The following ANKS1B variants were observed in gnomAD, a reference collection of about 807,000 sequenced individuals.
The protein encoded by ANKS1B is ankyrin repeat and sterile alpha motif domain containing 1B, also known as ankyrin repeat and sterile alpha motif domain-containing protein 1B.
ANKS1B carries 36 observed loss-of-function variants against 148.3 expected under a neutral mutation model. That is an observed-to-expected ratio of 0.24 (90% CI 0.19 to 0.32). The LOEUF is 0.32. ANKS1B is among the 10% of genes least tolerant of loss of function. The probability of loss-of-function intolerance (pLI) is 1.00; values close to 1 mark genes in which losing one functional copy is unlikely to be tolerated. For missense variants in ANKS1B, 1,157 were observed against 1,542.6 expected, an observed-to-expected ratio of 0.75 and a Z score of 4.19; for synonymous variants, 542 against 560.8, an observed-to-expected ratio of 0.97 and a Z score of 0.47.
At chr12:99,485,933 G>C (rs2096483093) in intron 10 of ANKS1B, among the ~76,000 whole-genome samples, 2 of 152,080 alleles carry the variant, frequency 1.3e-5, no homozygotes, top group African/African-American at 4.8e-5. Context: ...GTCATATCCT[G>C]AACTGCTTTA....
At chr12:99,397,916 G>T (rs768650074) in intron 12 of ANKS1B, among the ~76,000 whole-genome samples, 3 of 152,050 alleles carry the variant, frequency 2.0e-5, no homozygotes, top group Non-Finnish European at 4.4e-5. Flanking sequence ...TTAGGCACAT[G>T]AAAATTTTAA....
intron 15 of ANKS1B, among the ~76,000 whole-genome samples, chr12:99,151,017 T>C (rs1471863937): frequency 1.3e-5 from 2 of 152,180 alleles, no homozygotes; most frequent in Non-Finnish European, 2.9e-5. Flanking sequence ...TATTCATTGA[T>C]TGTACAAATT....
At chr12:99,358,678 T>A (rs915900034) in intron 12 of ANKS1B, among the ~76,000 whole-genome samples, 4 of 138,022 alleles carry the variant, frequency 2.9e-5, no homozygotes, top group African/African-American at 1.2e-4. Context: ...TGCATGTGTG[T>A]GCATGCATAC....
At chr12:99,442,217 T>C (rs1008857159) in intron 11 of ANKS1B, among the ~76,000 whole-genome samples, 3 of 151,836 alleles carry the variant, frequency 2.0e-5, no homozygotes, top group Non-Finnish European at 4.4e-5. Context: ...TGTAATGAGA[T>C]GAAGGTGTCA....
At chr12:98,992,110 G>C (rs2099926947) in intron 17 of ANKS1B, among the ~76,000 whole-genome samples, 1 of 152,104 alleles carries the variant, frequency 6.6e-6, no homozygotes, top group Non-Finnish European at 1.5e-5. Flanking sequence ...GTACCATCTG[G>C]TTCCTGCCCA....
chr12:99,928,254 T>C (rs1286058344), intron 1 of ANKS1B, among the ~76,000 whole-genome samples: 1 of 108,552 alleles, frequency 9.2e-6, no homozygotes, highest in Admixed American at 8.9e-5. Flanking sequence ...CAACCACCTA[T>C]TATTTTATTT....
intron 9 of ANKS1B, among the ~76,000 whole-genome samples, chr12:99,621,459 T>C (rs144897685): frequency 7.6e-6 from 1 of 131,670 alleles, no homozygotes; most frequent in African/African-American, 3.0e-5. Context: ...AGAGGCAAAT[T>C]GGAAAAAAAA....
intron 17 of ANKS1B, among the ~76,000 whole-genome samples, chr12:98,908,237 A>T (rs1315830628): frequency 6.6e-6 from 1 of 152,180 alleles, no homozygotes; most frequent in East Asian, 1.9e-4. Flanking sequence ...TTCATTTTAT[A>T]CCAGGCCTTG....
intron 15 of ANKS1B, among the ~76,000 whole-genome samples, chr12:99,100,324 T>G (rs1248794767): frequency 6.6e-6 from 1 of 152,200 alleles, no homozygotes; most frequent in Non-Finnish European, 1.5e-5. Context: ...GCTTCTTTAT[T>G]CATTGACTTA....
At chr12:99,966,930 A>G (rs1298659566) in intron 1 of ANKS1B, among the ~76,000 whole-genome samples, 3 of 152,134 alleles carry the variant, frequency 2.0e-5, no homozygotes, top group Non-Finnish European at 4.4e-5. Context: ...CCACTCCTAA[A>G]AGCAAAAGGA....
intron 15 of ANKS1B, among the ~76,000 whole-genome samples, chr12:99,098,612 G>A (rs1182792024): frequency 9.1e-5 from 10 of 109,690 alleles, no homozygotes; most frequent in Non-Finnish European, 1.5e-4. Flanking sequence ...ATGCCTGCTA[G>A]GAACTACTTT....
chr12:99,358,178 C>T (rs1183467369), intron 12 of ANKS1B, among the ~76,000 whole-genome samples: 1 of 151,912 alleles, frequency 6.6e-6, no homozygotes, highest in Admixed American at 6.6e-5. Flanking sequence ...TTCAGCTGAT[C>T]TTAATTTTTA....
chr12:98,942,218 GT>G (rs2099837974), intron 17 of ANKS1B, among the ~76,000 whole-genome samples: 1 of 148,908 alleles, frequency 6.7e-6, no homozygotes, highest in Non-Finnish European at 1.5e-5. Flanking sequence ...TCCAGCCTGG[GT>G]GACAGAGTGA....
chr12:98,778,105 C>T (rs924929938), intron 24 of ANKS1B, among the ~76,000 whole-genome samples: 3 of 152,226 alleles, frequency 2.0e-5, no homozygotes, highest in Non-Finnish European at 4.4e-5. Context: ...AAACAATCAC[C>T]TCTCTGACCA....
chr12:98,979,285 T>G (rs2099904870), intron 17 of ANKS1B, among the ~76,000 whole-genome samples: 1 of 151,460 alleles, frequency 6.6e-6, no homozygotes, highest in African/African-American at 2.4e-5. Context: ...AATTTTTTTT[T>G]GAGATGGAGT....
chr12:99,926,025 G>T (rs1465988072), intron 1 of ANKS1B, among the ~76,000 whole-genome samples: 2 of 152,160 alleles, frequency 1.3e-5, no homozygotes, highest in African/African-American at 4.8e-5. Context: ...TTTATCATAA[G>T]ATTGGTTGCC....
chr12:99,693,403 T>C (rs569862940), intron 8 of ANKS1B, among the ~76,000 whole-genome samples: 3 of 152,202 alleles, frequency 2.0e-5, no homozygotes, highest in Non-Finnish European at 4.4e-5. Context: ...AGTAGATATC[T>C]CTTTCAAAAT....
chr12:99,791,060 TTAAAAA>T (rs2065589342), intron 4 of ANKS1B, among the ~76,000 whole-genome samples: 1 of 151,654 alleles, frequency 6.6e-6, no homozygotes, highest in South Asian at 2.1e-4. Context: ...TACACACAGA[TTAAAAA>T]TAAGTGGATG....
intron 10 of ANKS1B, among the ~76,000 whole-genome samples, chr12:99,480,593 GAA>G (rs1294856262): frequency 1.3e-5 from 2 of 151,834 alleles, no homozygotes; most frequent in Non-Finnish European, 2.9e-5. Context: ...AAGGTTGAGA[GAA>G]AGCATACTCA....
Sources: gnomAD v4.1 joint callset for allele counts (sites outside exome capture counted in the v4.1 genomes callset) on GRCh38, gnomAD v4.1.1 for gene constraint, MANE v1.5 for transcripts, NCBI Gene and HGNC (gene_info 2026-07-23, HGNC 2026-07-21) for gene names.